PRUNE2: variants seen among roughly 807,000 people sequenced by gnomAD.
PRUNE2 encodes prune homolog 2 with BCH domain, also known as protein prune homolog 2.
Under a neutral mutation model 252.0 loss-of-function variants are expected in PRUNE2, and 164 were observed. The observed-to-expected ratio is 0.65, with a 90% CI of 0.57 to 0.74. The LOEUF (loss-of-function observed/expected upper bound fraction) is 0.74, where lower values mean the gene tolerates loss of function less well. PRUNE2 is among the 30% of genes least tolerant of loss of function. PRUNE2 has a pLI of 0.00. For missense variants in PRUNE2, 3,495 were observed against 3,711.0 expected (o/e 0.94, Z 1.51); for synonymous variants, 1,292 against 1,350.2 (o/e 0.96, Z 0.94).
intron 1 of PRUNE2, among the ~76,000 whole-genome samples, chr9:76,899,512 T>C (rs1005370016): frequency 2.0e-5 from 3 of 152,176 alleles, no homozygotes; most frequent in African/African-American, 7.2e-5. Context: ...AATCTAAACC[T>C]GGCCCTCCGT....
chr9:76,852,254 A>C (rs533528208), intron 2 of PRUNE2, among the ~76,000 whole-genome samples: 87 of 152,370 alleles, frequency 5.7e-4, no homozygotes, highest in African/African-American at 2.1e-3. Context: ...CAATTGCATA[A>C]TAAGTGTTAA....
intron 4 of PRUNE2, among the ~76,000 whole-genome samples, chr9:76,836,157 A>C (rs1176461176): frequency 6.6e-6 from 1 of 151,920 alleles, no homozygotes; most frequent in Admixed American, 6.6e-5. Context: ...GTGATGATTC[A>C]GCAATTTAAT....
intron 6 of PRUNE2, among the ~76,000 whole-genome samples, chr9:76,795,145 T>C (rs1281463790): frequency 6.6e-6 from 1 of 152,078 alleles, no homozygotes; most frequent in Non-Finnish European, 1.5e-5. Flanking sequence ...AGAGGAAGCT[T>C]TGGCCAATCT....
At chr9:76,896,536 T>C (rs778546750) in intron 1 of PRUNE2, among the ~76,000 whole-genome samples, 9 of 152,246 alleles carry the variant, frequency 5.9e-5, no homozygotes, top group African/African-American at 2.4e-5. Flanking sequence ...TGTTCATACT[T>C]GCTTCCTTCT....
At chr9:76,885,446 C>A (rs1256797610) in intron 1 of PRUNE2, among the ~76,000 whole-genome samples, 2 of 150,534 alleles carry the variant, frequency 1.3e-5, no homozygotes, top group East Asian at 4.0e-4. Flanking sequence ...AGATCTCTCA[C>A]CCCATTCCTA....
intron 9 of PRUNE2, among the ~76,000 whole-genome samples, chr9:76,687,150 A>G (rs570483301): frequency 7.9e-5 from 12 of 152,278 alleles, no homozygotes; most frequent in African/African-American, 2.6e-4. Context: ...CTTTCTTTCA[A>G]TGATCTCTAC....
At position 76,703,480 on chromosome 9, in the gene PRUNE2, T is replaced by C. The variant is rs752333567; in HGVS notation, c.8133A>G (p.Ala2711=). The C allele has an allele frequency of 2.5e-6, 4 of 1,612,608 alleles. No homozygotes were observed. Among genetic ancestry groups the C allele is most frequent in the Middle Eastern group, 3.3e-4 (2 of 6,084 alleles). Reference sequence around the variant, plus strand: ...CATGGGTGACAGCCTGCAACGTAACTGCATCCGGGCCAGCCCTGCCTCGGC... The same window carrying C: ...CATGGGTGACAGCCTGCAACGTAACCGCATCCGGGCCAGCCCTGCCTCGGC... The part of the protein sequence containing the change: ...SKSRGRAGPD[A]VTLQAVTHDN... Residue 2711 remains alanine, a synonymous_variant, in exon 9 of 19, where the codon GCA becomes GCG. Transcript: ENST00000376718.
chr9:76,629,666 A>G (rs1388709909), intron 15 of PRUNE2, among the ~76,000 whole-genome samples: 2 of 151,122 alleles, frequency 1.3e-5, no homozygotes. Context: ...ATACATTGTT[A>G]TTAGCTCTGG....
intron 6 of PRUNE2, among the ~76,000 whole-genome samples, chr9:76,798,453 G>A (rs77401948): frequency 0.11 from 16,955 of 152,044 alleles, 1,057 homozygotes; most frequent in East Asian, 0.2. Context: ...ATGTTCTAGC[G>A]CGTGTCAGAA....
chr9:76,870,032 A>G (rs1231682106), intron 1 of PRUNE2, among the ~76,000 whole-genome samples: 5 of 152,234 alleles, frequency 3.3e-5, no homozygotes, highest in Non-Finnish European at 5.9e-5. Context: ...AGTCAGCCAC[A>G]TTAAAAAGAA....
At chr9:76,897,396 T>A (rs2062895373) in intron 1 of PRUNE2, among the ~76,000 whole-genome samples, 1 of 68,086 alleles carries the variant, frequency 1.5e-5, no homozygotes, top group Admixed American at 1.4e-4. Context: ...ACCTCTTTTT[T>A]TTTTTTTTTT....
At chr9:76,888,109 G>A (rs1463277618) in intron 1 of PRUNE2, among the ~76,000 whole-genome samples, 1 of 152,158 alleles carries the variant, frequency 6.6e-6, no homozygotes, top group African/African-American at 2.4e-5. Flanking sequence ...CAACAGCCAT[G>A]AACAAAGGAA....
chr9:76,736,064 A>G (rs879861448), intron 6 of PRUNE2, among the ~76,000 whole-genome samples: 4 of 152,226 alleles, frequency 2.6e-5, no homozygotes, highest in Admixed American at 2.6e-4. Flanking sequence ...CTAAGGAGAA[A>G]ATATGAAATA....
chr9:76,773,571 G>A (rs570404774), intron 6 of PRUNE2, among the ~76,000 whole-genome samples: 1 of 151,576 alleles, frequency 6.6e-6, no homozygotes, highest in Non-Finnish European at 1.5e-5. Flanking sequence ...AGCCTCCTGA[G>A]TAGCTGGGAT....
chr9:76,665,261 C>T (rs1013778679), intron 9 of PRUNE2, among the ~76,000 whole-genome samples: 1 of 152,206 alleles, frequency 6.6e-6, no homozygotes, highest in Non-Finnish European at 1.5e-5. Context: ...ATTCCCCACT[C>T]CCCACTTAGC....
chr9:76,861,688 C>T (rs913559291), intron 1 of PRUNE2, among the ~76,000 whole-genome samples: 6 of 152,152 alleles, frequency 3.9e-5, no homozygotes, highest in Middle Eastern at 3.4e-3. Flanking sequence ...TTTCTCAAAT[C>T]GAGTGACCTC....
At chr9:76,870,424 G>A (rs1327181014) in intron 1 of PRUNE2, among the ~76,000 whole-genome samples, 1 of 151,852 alleles carries the variant, frequency 6.6e-6, no homozygotes, top group Non-Finnish European at 1.5e-5. Context: ...GGTGGCTCCC[G>A]CCTGTAATCC....
intron 6 of PRUNE2, chr9:76,737,203 G>A (rs1188311892): frequency 1.3e-5 from 2 of 152,118 alleles, no homozygotes; most frequent in African/African-American, 2.4e-5. Flanking sequence ...TTATTTACAG[G>A]TTAGAGTCTA....
At chr9:76,865,146 G>A (rs898472645) in intron 1 of PRUNE2, among the ~76,000 whole-genome samples, 1 of 152,132 alleles carries the variant, frequency 6.6e-6, no homozygotes, top group Non-Finnish European at 1.5e-5. Context: ...TGTTAGAGAA[G>A]AAACAATGCA....
Sources: gnomAD v4.1 joint callset for allele counts (sites outside exome capture counted in the v4.1 genomes callset) on GRCh38, gnomAD v4.1.1 for gene constraint, MANE v1.5 for transcripts, NCBI Gene and HGNC (gene_info 2026-07-23, HGNC 2026-07-21) for gene names.